DST: variants seen among roughly 807,000 people sequenced by gnomAD.
DST encodes the protein dystonin.
A neutral mutation model predicts 875.2 loss-of-function variants in DST; 253 were observed. The ratio of observed to expected loss-of-function variants is 0.29; its 90% confidence interval spans 0.26 to 0.32. DST has a LOEUF of 0.32. DST is among the 10% of genes least tolerant of loss of function. DST has a pLI of 1.00. For missense variants in DST, 8,287 were observed against 9,111.6 expected (o/e 0.91, Z 3.68); for synonymous variants, 3,124 against 3,197.1 (o/e 0.98, Z 0.77).
Position 56,552,807 on chromosome 6 carries a change from C to A in DST, c.15985G>T (p.Val5329Leu). 6.2e-7 allele frequency: 1 copy of A among 1,611,660 alleles called. No homozygotes were observed. The highest frequency in any genetic ancestry group is 8.5e-7 in the Non-Finnish European group (1 of 1,179,884). Residue 5329 changes from valine (V) to leucine (L), a missense_variant, in exon 61 of 104, where the codon GTA becomes TTA. By Grantham distance (32) the Val-to-Leu change is conservative. This residue lies in a region of DST where 1,513 missense variants were observed against 1,677.8 expected (regional missense o/e 0.90). Coordinates refer to ENST00000680361, the MANE Select transcript of DST (RefSeq NM_001374736.1). ...QKSLQALKHQ[V>L]DLAKRLAQDL... ...TGTGCAAGTCTTTTAGCCAAATCTA[C>A]CTGATGCTTCAAGGCCTGAAGTGAT...
chr6:56,779,541 C>CAT (rs1346873594), intron 4 of DST, among the ~76,000 whole-genome samples: 1 of 151,692 alleles, frequency 6.6e-6, no homozygotes, highest in Non-Finnish European at 1.5e-5. Context: ...GTCTTTAATC[C>CAT]ATCTTGAATT....
chr6:56,674,814 A>G (rs570487384), intron 9 of DST, among the ~76,000 whole-genome samples: 1 of 152,336 alleles, frequency 6.6e-6, no homozygotes, highest in Non-Finnish European at 1.5e-5. Context: ...AAGAATTAAC[A>G]CTGTTAAAAT....
intron 4 of DST, among the ~76,000 whole-genome samples, chr6:56,819,050 T>C (rs2099769967): frequency 6.6e-6 from 1 of 152,176 alleles, no homozygotes; most frequent in Admixed American, 6.6e-5. Context: ...GGCTTATCTA[T>C]ACCAAGGATG....
intron 15 of DST, chr6:56,642,925 T>G: frequency 6.6e-7 from 1 of 1,518,838 alleles, no homozygotes; most frequent in South Asian, 1.3e-5. Flanking sequence ...TTAAATATGC[T>G]TCAACATGCA....
chr6:56,908,979 C>T (rs985257910), intron 2 of DST, among the ~76,000 whole-genome samples: 1 of 152,092 alleles, frequency 6.6e-6, no homozygotes, highest in Admixed American at 6.6e-5. Context: ...CTCTGGGCTG[C>T]CCTGTCTATG....
At chr6:56,811,849 C>T (rs923028652) in intron 4 of DST, among the ~76,000 whole-genome samples, 2 of 152,004 alleles carry the variant, frequency 1.3e-5, no homozygotes, top group African/African-American at 2.4e-5. Flanking sequence ...AATCCCAGCA[C>T]TTTGGGAGGC....
rs2099320481 is a variant in DST at position 56,703,662 on chromosome 6, C to G, written c.862G>C (p.Asp288His). Residue 288 changes from aspartate (D) to histidine (H), a missense_variant, in exon 7 of 104, where the codon GAT (aspartate) becomes CAT (histidine). Coordinates refer to ENST00000680361, the MANE Select transcript of DST (RefSeq NM_001374736.1). ...CEYEQHEDVE[D>H]EDKGPREKGR... ...GCGACACCTACCCCCTTATCCTCATCCTCCACATCCTCATGCTGTTCATAT... is the reference window on the plus strand; with the variant it reads ...GCGACACCTACCCCCTTATCCTCATGCTCCACATCCTCATGCTGTTCATAT... 1 of 984,824 alleles carries G rather than the reference C, an allele frequency of 1.0e-6. No homozygotes were observed. Among genetic ancestry groups the G allele is most frequent in the Non-Finnish European group, 1.2e-6 (1 of 829,594 alleles). The allele number at this position is 984,824 out of a possible 1,614,324, so 61.0% of individuals were successfully genotyped here.
chr6:56,473,746 A>G, intron 93 of DST, 127 bp downstream of exon 93: 1 of 866,834 alleles, frequency 1.2e-6, no homozygotes, highest in Non-Finnish European at 1.8e-6. Flanking sequence ...TTCCTTCTAG[A>G]AAGTATTTCA....
intron 3 of DST, among the ~76,000 whole-genome samples, chr6:56,898,401 T>C (rs2127684307): frequency 6.6e-6 from 1 of 152,336 alleles, no homozygotes; most frequent in Admixed American, 6.5e-5. Context: ...AAGGCAGTTA[T>C]GTAGAGGGCT....
chr6:56,535,659 A>G (rs1047963676), intron 62 of DST, among the ~76,000 whole-genome samples: 36 of 152,268 alleles, frequency 2.4e-4, no homozygotes, highest in Admixed American at 5.9e-4. Flanking sequence ...CTTCTAATAA[A>G]TATCAGAGAT....
At chr6:56,627,701 C>A (rs1424881331) in intron 33 of DST, among the ~76,000 whole-genome samples, 4 of 151,964 alleles carry the variant, frequency 2.6e-5, no homozygotes, top group African/African-American at 9.7e-5. Flanking sequence ...ACTATTGAGG[C>A]CAGCAAAGTG....
chr6:56,943,509 C>T (rs1433790868), intron 2 of DST, among the ~76,000 whole-genome samples: 5 of 151,234 alleles, frequency 3.3e-5, no homozygotes, highest in East Asian at 3.9e-4. Context: ...CTCAGCTCAC[C>T]GTAACCTCCA....
At chr6:56,854,898 C>T (rs1767073670) in intron 3 of DST, among the ~76,000 whole-genome samples, 1 of 152,194 alleles carries the variant, frequency 6.6e-6, no homozygotes, top group Non-Finnish European at 1.5e-5. Flanking sequence ...AACTGACCCA[C>T]TGACCCCAGG....
chr6:56,669,688 A>G (rs2099090176), intron 10 of DST, among the ~76,000 whole-genome samples: 2 of 152,168 alleles, frequency 1.3e-5, no homozygotes, highest in South Asian at 4.1e-4. Context: ...CATGAACTCA[A>G]GAGCCAGATT....
chr6:56,590,405 A>AT (rs768059544), intron 49 of DST, among the ~76,000 whole-genome samples: 3 of 152,134 alleles, frequency 2.0e-5, no homozygotes, highest in African/African-American at 4.8e-5. Flanking sequence ...TATTTTATGC[A>AT]TTTTCTATAC....
intron 4 of DST, among the ~76,000 whole-genome samples, chr6:56,753,547 G>A (rs1427336716): frequency 6.6e-6 from 1 of 152,152 alleles, no homozygotes; most frequent in Non-Finnish European, 1.5e-5. Flanking sequence ...TGAATGTTAT[G>A]CACCTAAGAG....
At chr6:56,721,030 C>T (rs1024739085) in intron 5 of DST, among the ~76,000 whole-genome samples, 14 of 150,690 alleles carry the variant, frequency 9.3e-5, no homozygotes, top group East Asian at 2.0e-4. Flanking sequence ...CAGCCCCCTC[C>T]GCCTCCCAGA....
chr6:56,526,305 C>G (rs2096796028), intron 69 of DST, 56 bp downstream of exon 69: 1 of 1,555,208 alleles, frequency 6.4e-7, no homozygotes, highest in East Asian at 2.3e-5. Context: ...CAGGTAAAAG[C>G]TCCAAGAACA....
intron 5 of DST, among the ~76,000 whole-genome samples, chr6:56,715,154 C>T (rs182712001): frequency 2.0e-5 from 3 of 152,210 alleles, no homozygotes; most frequent in Non-Finnish European, 4.4e-5. Flanking sequence ...GAATGCCTGC[C>T]GGATCACAGG....
Sources: allele counts gnomAD v4.1 joint callset (sites outside exome capture counted in the v4.1 genomes callset), GRCh38; gene constraint gnomAD v4.1.1; regional missense constraint gnomAD v4.1.1; transcripts MANE v1.5; gene names NCBI Gene and HGNC (gene_info 2026-07-23, HGNC 2026-07-21).